The following TMEM232 variants were observed in gnomAD, a reference collection of about 807,000 sequenced individuals.
TMEM232 encodes transmembrane protein 232.
A neutral mutation model predicts 78.8 loss-of-function variants in TMEM232; 80 were observed. The observed-to-expected ratio is 1.01, with a 90% CI of 0.85 to 1.22. TMEM232 has a LOEUF of 1.22. Ranked by LOEUF, TMEM232 falls within the 50% of genes most tolerant of loss-of-function variation. The probability of loss-of-function intolerance (pLI) is 0.00; values close to 1 mark genes in which losing one functional copy is unlikely to be tolerated. For synonymous variants in TMEM232, 297 were observed against 254.3 expected, an observed-to-expected ratio of 1.17 and a Z score of -1.60; for missense variants, 881 against 742.2, an observed-to-expected ratio of 1.19 and a Z score of -2.17.
At chr5:110,698,563 G>C (rs1196288951) in intron 1 of TMEM232, among the ~76,000 whole-genome samples, 1 of 152,114 alleles carries the variant, frequency 6.6e-6, no homozygotes, top group Non-Finnish European at 1.5e-5. Flanking sequence ...AAGGAACTCA[G>C]TTCTTGGTAC....
chr5:110,460,483 G>C (rs995628523), intron 12 of TMEM232, among the ~76,000 whole-genome samples: 6 of 152,054 alleles, frequency 3.9e-5, no homozygotes, highest in Non-Finnish European at 8.8e-5. Context: ...TTTGCATTAA[G>C]ATGCTAAACA....
At chr5:110,393,290 CTTTTAA>C (rs1266542246) in intron 3 of TMEM232, among the ~76,000 whole-genome samples, 3 of 152,056 alleles carry the variant, frequency 2.0e-5, no homozygotes, top group African/African-American at 7.2e-5. Context: ...TTAGATTTTT[CTTTTAA>C]TTTTAGTTTG....
At position 110,698,221 on chromosome 5, in the gene TMEM232, G is replaced by A. The variant is rs367951122; in HGVS notation, c.-13+28406C>T. Reference sequence around the variant, plus strand: ...AAACACCGCATGTTCTCACTCATAGGTGGGAATGGAACAATGAGAACACAT... The same window carrying A: ...AAACACCGCATGTTCTCACTCATAGATGGGAATGGAACAATGAGAACACAT... On this transcript the variant is annotated intron_variant, in intron 1 of 13. Transcript: ENST00000455884. Among the ~76,000 whole-genome samples the A allele has an allele frequency of 3.8e-4, 58 of 152,058 alleles. No individual in the cohort carries two copies. The East Asian group carries it at 9.3e-3, about 24-fold the overall frequency.
intron 5 of TMEM232, among the ~76,000 whole-genome samples, chr5:110,634,509 A>G (rs1785544220): frequency 6.6e-6 from 1 of 152,118 alleles, no homozygotes; most frequent in South Asian, 2.1e-4. Context: ...CTCAGACTAT[A>G]ATGAAACACA....
chr5:110,409,569 G>A (rs1350983324), intron 2 of TMEM232, among the ~76,000 whole-genome samples: 2 of 152,166 alleles, frequency 1.3e-5, no homozygotes, highest in Non-Finnish European at 2.9e-5. Flanking sequence ...TGTTGCCACA[G>A]CTAGTTTTCT....
chr5:110,498,903 C>T (rs185175030), intron 12 of TMEM232, among the ~76,000 whole-genome samples: 10 of 152,258 alleles, frequency 6.6e-5, no homozygotes, highest in Non-Finnish European at 1.5e-4. Flanking sequence ...AATTAAATTG[C>T]TAGCTATAAC....
intron 10 of TMEM232, among the ~76,000 whole-genome samples, chr5:110,595,215 G>A (rs1207412125): frequency 6.6e-6 from 1 of 152,140 alleles, no homozygotes; most frequent in African/African-American, 2.4e-5. Context: ...GAAACAAAAA[G>A]CAATAACATC....
intron 5 of TMEM232, among the ~76,000 whole-genome samples, chr5:110,637,422 G>T (rs1786000449): frequency 6.6e-6 from 1 of 151,694 alleles, no homozygotes; most frequent in Non-Finnish European, 1.5e-5. Flanking sequence ...CTGAAATGTG[G>T]TTGTCTCCCC....
chr5:110,456,853 C>A (rs1423208218), intron 12 of TMEM232, among the ~76,000 whole-genome samples: 1 of 152,032 alleles, frequency 6.6e-6, no homozygotes, highest in East Asian at 1.9e-4. Flanking sequence ...TTGACACATA[C>A]CTTCCATGAG....
At chr5:110,565,811 C>T (rs1469374184) in intron 11 of TMEM232, among the ~76,000 whole-genome samples, 2 of 151,864 alleles carry the variant, frequency 1.3e-5, no homozygotes, top group East Asian at 3.9e-4. Context: ...ATATGTTAGT[C>T]TTATCCTTGA....
intron 5 of TMEM232, among the ~76,000 whole-genome samples, chr5:110,634,065 C>A (rs1785493654): frequency 6.6e-6 from 1 of 151,884 alleles, no homozygotes; most frequent in African/African-American, 2.4e-5. Context: ...TTGGATAAAA[C>A]AGACTTTAAG....
chr5:110,444,176 G>T (rs1052834265), intron 12 of TMEM232, among the ~76,000 whole-genome samples: 3 of 152,118 alleles, frequency 2.0e-5, no homozygotes, highest in Non-Finnish European at 4.4e-5. Context: ...TGTAGTCCTT[G>T]TGTCCTAGAC....
chr5:110,414,804 G>A (rs543241980), downstream of TMEM232, among the ~76,000 whole-genome samples: 2 of 152,220 alleles, frequency 1.3e-5, no homozygotes, highest in Admixed American at 1.3e-4. Context: ...ATGGGAGCCC[G>A]TGTCCTTAAA....
Position 110,712,915 on chromosome 5 carries a change from CCCCAA to C in TMEM232, c.-13+13707_-13+13711del. 8.5e-5 allele frequency among the ~76,000 whole-genome samples: 13 copies of C among 152,160 alleles called. 2 individuals carry two copies. Among genetic ancestry groups the C allele is most frequent in the East Asian group, 5.8e-4 (3 of 5,186 alleles). On this transcript the variant is annotated intron_variant, in intron 1 of 13. Coordinates refer to ENST00000455884, the MANE Select transcript of TMEM232 (RefSeq NM_001039763.4). Reference sequence around the variant, plus strand: ...TAGCAATATAACTGCTGTGTATATACCCCAAAGAAGGGAAATTAGTATATCAAAAA... The same window carrying C: ...TAGCAATATAACTGCTGTGTATATACAGAAGGGAAATTAGTATATCAAAAA...
At chr5:110,738,463 C>T (rs966073933), upstream of TMEM232, among the ~76,000 whole-genome samples, 2 of 152,188 alleles carry the variant, frequency 1.3e-5, no homozygotes, top group African/African-American at 2.4e-5. Context: ...TCTTTCACCC[C>T]CGACGTGCAC....
chr5:110,576,544 T>C (rs1777590375), intron 10 of TMEM232, among the ~76,000 whole-genome samples: 1 of 151,960 alleles, frequency 6.6e-6, no homozygotes, highest in Non-Finnish European at 1.5e-5. Context: ...AAAATCTATA[T>C]GGAATAACAA....
chr5:110,648,163 A>G (rs1036952856), intron 2 of TMEM232, among the ~76,000 whole-genome samples: 3 of 152,070 alleles, frequency 2.0e-5, no homozygotes, highest in Non-Finnish European at 4.4e-5. Context: ...AATAATCATC[A>G]AGATAATAGG....
chr5:110,571,083 T>C (rs939688306), intron 10 of TMEM232, among the ~76,000 whole-genome samples: 1 of 152,056 alleles, frequency 6.6e-6, no homozygotes, highest in Admixed American at 6.6e-5. Context: ...TCCTGCATTC[T>C]TTCTATTAGG....
rs370827796 is a variant in TMEM232 at position 110,518,553 on chromosome 5, A to C, written c.1703+10035T>G. On this transcript the variant is annotated intron_variant, in intron 12 of 13. Coordinates refer to ENST00000455884, the MANE Select transcript of TMEM232 (RefSeq NM_001039763.4). ...TTTATTTCTGCACACAAGACTACTA[A>C]AGCCAGCCTGTGTGATCCTTAACCC... 3.3e-5 allele frequency among the ~76,000 whole-genome samples: 5 copies of C among 152,200 alleles called. No individual in the cohort carries two copies. The East Asian group carries it at 9.6e-4, about 29-fold the overall frequency.
Sources: gnomAD v4.1 joint callset for allele counts (sites outside exome capture counted in the v4.1 genomes callset) on GRCh38, gnomAD v4.1.1 for gene constraint, MANE v1.5 for transcripts, NCBI Gene and HGNC (gene_info 2026-07-23, HGNC 2026-07-21) for gene names.